The following XRCC4 variants were observed in gnomAD, a reference collection of about 807,000 sequenced individuals.
The protein encoded by XRCC4 is X-ray repair cross complementing 4.
In XRCC4, 28 loss-of-function variants were observed where a neutral mutation model predicts 39.1. The ratio of observed to expected loss-of-function variants is 0.72; its 90% CI spans 0.53 to 0.98. The LOEUF (loss-of-function observed/expected upper bound fraction) is 0.98. XRCC4 is among the 50% of genes least tolerant of loss of function. The probability of loss-of-function intolerance (pLI) is 0.00; values close to 1 mark genes in which losing one functional copy is unlikely to be tolerated. For synonymous variants in XRCC4, 123 were observed against 126.4 expected (o/e 0.97, Z 0.18); for missense variants, 350 against 376.4 (o/e 0.93, Z 0.58).
chr5:83,123,482 T>C (rs1747109463), intron 3 of XRCC4, among the ~76,000 whole-genome samples: 2 of 152,034 alleles, frequency 1.3e-5, no homozygotes, highest in South Asian at 4.1e-4. Context: ...TAATCCAGTC[T>C]ATCAATCTGT....
chr5:83,192,444 A>T (rs1750753237), intron 3 of XRCC4, among the ~76,000 whole-genome samples: 1 of 151,380 alleles, frequency 6.6e-6, no homozygotes, highest in Non-Finnish European at 1.5e-5. Flanking sequence ...AGTAGCTGGG[A>T]CTACAGGCAC....
intron 2 of XRCC4, among the ~76,000 whole-genome samples, chr5:83,106,000 CA>C (rs1026910776): frequency 5.9e-5 from 9 of 151,932 alleles, no homozygotes; most frequent in African/African-American, 2.2e-4. Flanking sequence ...TACAGAGTTT[CA>C]AAAAAATTGT....
chr5:83,127,257 C>T (rs186937569), intron 3 of XRCC4, among the ~76,000 whole-genome samples: 5 of 152,218 alleles, frequency 3.3e-5, no homozygotes, highest in Admixed American at 3.3e-4. Flanking sequence ...AACTTAACCC[C>T]TGATATGGTT....
At chr5:83,155,584 G>A (rs1748918835) in intron 3 of XRCC4, among the ~76,000 whole-genome samples, 1 of 152,054 alleles carries the variant, frequency 6.6e-6, no homozygotes, top group Admixed American at 6.6e-5. Flanking sequence ...TTGTAGACTA[G>A]CCTATACTAG....
chr5:83,269,488 A>G (rs1332410730), intron 7 of XRCC4, among the ~76,000 whole-genome samples: 2 of 151,308 alleles, frequency 1.3e-5, no homozygotes, highest in African/African-American at 4.9e-5. Flanking sequence ...ACAAATAACA[A>G]AGAAAAAATT....
intron 3 of XRCC4, among the ~76,000 whole-genome samples, chr5:83,189,412 A>T (rs1281730515): frequency 6.6e-6 from 1 of 152,190 alleles, no homozygotes; most frequent in African/African-American, 2.4e-5. Flanking sequence ...TAAAATGCTT[A>T]TAATTTTTGT....
intron 3 of XRCC4, among the ~76,000 whole-genome samples, chr5:83,146,930 C>CA (rs1748482066): frequency 1.3e-5 from 2 of 152,092 alleles, no homozygotes; most frequent in East Asian, 3.9e-4. Context: ...TGTAAGAAAA[C>CA]AAAGTATCAA....
intron 7 of XRCC4, among the ~76,000 whole-genome samples, chr5:83,342,498 T>C (rs1055761958): frequency 6.6e-6 from 1 of 152,214 alleles, no homozygotes; most frequent in Non-Finnish European, 1.5e-5. Flanking sequence ...CTGCTCTTGA[T>C]GAATTTAAAC....
intron 7 of XRCC4, among the ~76,000 whole-genome samples, chr5:83,307,404 A>T (rs1367205367): frequency 1.3e-5 from 2 of 152,216 alleles, no homozygotes; most frequent in Non-Finnish European, 2.9e-5. Flanking sequence ...AGCTCCCTGA[A>T]TATACTTACA....
At chr5:83,184,465 G>A (rs963793382) in intron 3 of XRCC4, among the ~76,000 whole-genome samples, 1 of 152,060 alleles carries the variant, frequency 6.6e-6, no homozygotes, top group Non-Finnish European at 1.5e-5. Flanking sequence ...TTTTTAATGG[G>A]AAGGAGCTAG....
intron 3 of XRCC4, among the ~76,000 whole-genome samples, chr5:83,158,934 A>G (rs1213722904): frequency 6.6e-6 from 1 of 152,130 alleles, no homozygotes; most frequent in Non-Finnish European, 1.5e-5. Context: ...TTGTTCAAGT[A>G]GTGTTTGAAC....
intron 7 of XRCC4, among the ~76,000 whole-genome samples, chr5:83,277,310 A>G (rs1754369187): frequency 6.6e-6 from 1 of 152,238 alleles, no homozygotes; most frequent in Non-Finnish European, 1.5e-5. Flanking sequence ...AGTTCTTGCC[A>G]GCAAGTTTTG....
chr5:83,356,820 C>A (rs116601718), downstream of XRCC4: 324 of 419,230 alleles, frequency 7.7e-4, 1 homozygote, highest in African/African-American at 6.2e-3. Flanking sequence ...ATCCTCACCT[C>A]TAAGATAAGG....
At chr5:83,079,949 C>T (rs974124489) in intron 1 of XRCC4, among the ~76,000 whole-genome samples, 27 of 152,048 alleles carry the variant, frequency 1.8e-4, no homozygotes, top group Non-Finnish European at 1.8e-4. Flanking sequence ...TTTTCTGTGG[C>T]GCCAGTGCAC....
chr5:83,323,893 G>A (rs1481328407), intron 7 of XRCC4, among the ~76,000 whole-genome samples: 2 of 152,064 alleles, frequency 1.3e-5, no homozygotes, highest in Admixed American at 1.3e-4. Flanking sequence ...CAGTGATTTA[G>A]CAATGAAACC....
intron 7 of XRCC4, among the ~76,000 whole-genome samples, chr5:83,332,805 T>G (rs1240028575): frequency 1.3e-5 from 2 of 152,088 alleles, no homozygotes. Context: ...TAAATAGAAT[T>G]TGGACACATA....
chr5:83,200,263 A>G (rs867365805), intron 4 of XRCC4, among the ~76,000 whole-genome samples: 1 of 152,182 alleles, frequency 6.6e-6, no homozygotes, highest in Non-Finnish European at 1.5e-5. Context: ...ATGTCATGCA[A>G]CTGTTCACAC....
chr5:83,273,657 C>T (rs550864195), intron 7 of XRCC4, among the ~76,000 whole-genome samples: 84 of 152,226 alleles, frequency 5.5e-4, no homozygotes, highest in Admixed American at 1.1e-3. Flanking sequence ...TTCCCAGCAC[C>T]ATTTATTAAA....
intron 6 of XRCC4, among the ~76,000 whole-genome samples, chr5:83,226,524 C>T (rs1752297292): frequency 6.6e-6 from 1 of 152,042 alleles, no homozygotes; most frequent in Admixed American, 6.6e-5. Context: ...CAGGTCTACT[C>T]CCCTCTGCTC....
Sources: gnomAD v4.1 joint callset for allele counts (sites outside exome capture counted in the v4.1 genomes callset) on GRCh38, gnomAD v4.1.1 for gene constraint, MANE v1.5 for transcripts, NCBI Gene and HGNC (gene_info 2026-07-23, HGNC 2026-07-21) for gene names.